AXDND1: variants seen among roughly 807,000 people sequenced by gnomAD.
The protein encoded by AXDND1 is axonemal dynein light chain domain-containing protein 1.
A neutral mutation model predicts 137.5 loss-of-function variants in AXDND1; 110 were observed. That is an observed-to-expected ratio of 0.80 (90% confidence interval 0.69 to 0.94). The LOEUF is 0.94. Ranked by LOEUF, AXDND1 falls within the 40% of genes least tolerant of loss-of-function variation. The pLI, the probability that AXDND1 is intolerant of heterozygous loss-of-function variation, is 0.00. For missense variants in AXDND1, 1,191 were observed against 1,169.8 expected, an observed-to-expected ratio of 1.02 and a Z score of -0.26; for synonymous variants, 414 against 399.7, an observed-to-expected ratio of 1.04 and a Z score of -0.43.
intron 5 of AXDND1, 101 bp downstream of exon 5, chr1:179,378,858 C>T: frequency 2.0e-6 from 2 of 985,970 alleles, no homozygotes; most frequent in East Asian, 3.9e-5. Flanking sequence ...AAAACAACGT[C>T]ATACTATAAC....
chr1:179,390,474 C>T (rs1295291574), intron 9 of AXDND1, among the ~76,000 whole-genome samples: 1 of 152,152 alleles, frequency 6.6e-6, no homozygotes, highest in Non-Finnish European at 1.5e-5. Flanking sequence ...TGTCGTTTTA[C>T]ATGTTGTCAA....
At chr1:179,383,675 C>A in intron 8 of AXDND1, 131 bp downstream of exon 8, 1 of 626,374 alleles carries the variant, frequency 1.6e-6, no homozygotes, top group Non-Finnish European at 2.8e-6. Context: ...GTATTTGTAC[C>A]TCAGTTTCCT....
chr1:179,421,337 TCTTC>T (rs962328133), intron 12 of AXDND1, among the ~76,000 whole-genome samples: 4 of 145,524 alleles, frequency 2.7e-5, no homozygotes, highest in African/African-American at 5.5e-5. Context: ...TTCCTTCCTT[TCTTC>T]CTTCCTTCCT....
chr1:179,468,263 C>A (rs894079171), intron 16 of AXDND1, among the ~76,000 whole-genome samples, 180 bp from the exon 17 acceptor site: 7 of 152,140 alleles, frequency 4.6e-5, no homozygotes, highest in African/African-American at 1.7e-4. Context: ...TTACACAGTG[C>A]TTATTCATTA....
At chr1:179,419,633 G>GAGGGAA (rs1193880547) in intron 12 of AXDND1, among the ~76,000 whole-genome samples, 1 of 79,028 alleles carries the variant, frequency 1.3e-5, no homozygotes, top group Admixed American at 1.3e-4. Context: ...ATGGTGGGGA[G>GAGGGAA]AGGGAGAGGG....
intron 16 of AXDND1, chr1:179,456,278 T>A: frequency 1.4e-6 from 1 of 739,318 alleles, no homozygotes; most frequent in Non-Finnish European, 2.5e-6. Context: ...CATAGCCACC[T>A]TGGTTTTGTG....
chr1:179,366,071 C>G (rs1258688605), intron 1 of AXDND1, 71 bp downstream of exon 1: 1 of 156,630 alleles, frequency 6.4e-6, no homozygotes, highest in Non-Finnish European at 1.4e-5. Context: ...AGTGCGAGGC[C>G]TGCCCAACTC....
chr1:179,402,803 T>C (rs1652309548), intron 11 of AXDND1, among the ~76,000 whole-genome samples: 1 of 152,228 alleles, frequency 6.6e-6, no homozygotes, highest in Non-Finnish European at 1.5e-5. Flanking sequence ...CTTTATTGTT[T>C]CTTCTCTTGC....
At chr1:179,537,012 C>G (rs1444279263) in intron 25 of AXDND1, among the ~76,000 whole-genome samples, 1 of 152,104 alleles carries the variant, frequency 6.6e-6, no homozygotes, top group Non-Finnish European at 1.5e-5. Context: ...GGCTGTTTGT[C>G]TGTTATTGGT....
intron 20 of AXDND1, among the ~76,000 whole-genome samples, chr1:179,493,205 T>TATC (rs1553294578): frequency 0.2 from 30,655 of 151,866 alleles, 3,224 homozygotes; most frequent in Non-Finnish European, 0.23. Context: ...TCTGATCTAC[T>TATC]AACACCAAAG....
At chr1:179,412,636 TA>T (rs1654070956) in intron 12 of AXDND1, among the ~76,000 whole-genome samples, 2 of 152,126 alleles carry the variant, frequency 1.3e-5, no homozygotes, top group South Asian at 4.1e-4. Flanking sequence ...TCTAGATCAT[TA>T]CTGGGGACAT....
intron 25 of AXDND1, chr1:179,550,832 G>C (rs980246990): frequency 3.1e-5 from 11 of 360,350 alleles, no homozygotes; most frequent in African/African-American, 2.3e-4. Context: ...TTGCCAAAGG[G>C]GTCAGAGGAC....
At chr1:179,429,904 T>C (rs1250344274) in intron 13 of AXDND1, among the ~76,000 whole-genome samples, 7 of 150,016 alleles carry the variant, frequency 4.7e-5, no homozygotes, top group Non-Finnish European at 1.0e-4. Context: ...AATAGCTGTG[T>C]TTTTTGAAAT....
intron 16 of AXDND1, among the ~76,000 whole-genome samples, chr1:179,445,424 C>T (rs1350483613): frequency 6.6e-6 from 1 of 152,082 alleles, no homozygotes; most frequent in Non-Finnish European, 1.5e-5. Context: ...ATTATATTCA[C>T]AGATGTGTGC....
intron 11 of AXDND1, among the ~76,000 whole-genome samples, chr1:179,404,996 G>A (rs1652715184): frequency 6.6e-6 from 1 of 151,834 alleles, no homozygotes; most frequent in Non-Finnish European, 1.5e-5. Context: ...ATGGTGGTTT[G>A]CTGCACCCAT....
intron 11 of AXDND1, among the ~76,000 whole-genome samples, chr1:179,401,906 G>A (rs1320943810): frequency 6.6e-6 from 1 of 152,066 alleles, no homozygotes; most frequent in Non-Finnish European, 1.5e-5. Context: ...GGGCAAGGTG[G>A]CTCAAGCCTG....
chr1:179,523,064 T>G (rs971547320), intron 21 of AXDND1, among the ~76,000 whole-genome samples: 2 of 151,896 alleles, frequency 1.3e-5, no homozygotes, highest in Non-Finnish European at 2.9e-5. Flanking sequence ...TGTTCAATAC[T>G]GATGACTCCT....
intron 17 of AXDND1, among the ~76,000 whole-genome samples, chr1:179,480,892 A>G (rs372981995): frequency 9.4e-5 from 14 of 149,260 alleles, no homozygotes; most frequent in African/African-American, 3.4e-4. Context: ...TGATTGGTCT[A>G]TTGTTTTCTT....
intron 12 of AXDND1, among the ~76,000 whole-genome samples, chr1:179,413,264 A>C (rs1426422874): frequency 6.6e-6 from 1 of 152,060 alleles, no homozygotes; most frequent in East Asian, 1.9e-4. Flanking sequence ...TTTATTTTAG[A>C]TTCAGGGGTA....
Sources: gnomAD v4.1 joint callset for allele counts (sites outside exome capture counted in the v4.1 genomes callset) on GRCh38, gnomAD v4.1.1 for gene constraint, MANE v1.5 for transcripts, NCBI Gene and HGNC (gene_info 2026-07-23, HGNC 2026-07-21) for gene names.